Variants in SETD2 observed in about 807,000 individuals in gnomAD.
The protein encoded by SETD2 is histone-lysine N-methyltransferase SETD2.
A neutral mutation model predicts 242.1 loss-of-function variants in SETD2; 31 were observed. The ratio of observed to expected loss-of-function variants is 0.13; its 90% CI spans 0.10 to 0.17. SETD2 has a LOEUF of 0.17. Ranked by LOEUF, SETD2 falls within the 10% of genes least tolerant of loss-of-function variation. SETD2 has a pLI of 1.00. For missense variants in SETD2, 2,481 were observed against 3,046.3 expected (o/e 0.81, Z 4.37); for synonymous variants, 1,006 against 1,066.5 (o/e 0.94, Z 1.11).
intron 1 of SETD2, among the ~76,000 whole-genome samples, chr3:47,129,656 C>A (rs1291720748): frequency 6.6e-6 from 1 of 152,124 alleles, no homozygotes; most frequent in African/African-American, 2.4e-5. Context: ...GAGGTCAAGG[C>A]GGGTGGATCA....
Position 47,093,443 on chromosome 3 carries a change from T to C in SETD2, c.5142+4512A>G, listed in dbSNP as rs563057519. Among the ~76,000 whole-genome samples, 9 of 151,870 alleles carry C rather than the reference T, an allele frequency of 5.9e-5. No individual in the cohort carries two copies. The South Asian group carries it at 1.9e-3, about 32-fold the overall frequency. On this transcript the variant is annotated intron_variant, in intron 9 of 20. Transcript: ENST00000409792. Reference sequence around the variant, plus strand: ...AGATTACAGGCACCCACCATTACACTTGGCTAATTTTTGTATTTTTAGTAG... The same window carrying C: ...AGATTACAGGCACCCACCATTACACCTGGCTAATTTTTGTATTTTTAGTAG...
chr3:47,137,219 G>T, intron 1 of SETD2, among the ~76,000 whole-genome samples: 1 of 151,340 alleles, frequency 6.6e-6, no homozygotes, highest in African/African-American at 2.4e-5. Context: ...TTTGAGATGG[G>T]GTCTTACTCT....
At position 47,121,144 on chromosome 3, in the gene SETD2, CTGAGGA is replaced by C. The variant is rs771730468; in HGVS notation, c.3486_3491del (p.His1162_Pro1163del). The C allele has an allele frequency of 2.0e-5, 32 of 1,614,180 alleles. 1 individual carries two copies. In the South Asian group the frequency reaches 3.2e-4, roughly 16 times the overall value. The stretch of plus-strand genomic sequence containing the variant: ...GACTTGTACTATCAACCCCATCACT[CTGAGGA>C]TGAGAAAGTTCAGGCAGGCGATTAT... On this transcript the variant is annotated inframe_deletion, in exon 3 of 21. Transcript: ENST00000409792.
intron 15 of SETD2, among the ~76,000 whole-genome samples, chr3:47,053,815 T>C (rs7625067): frequency 0.49 from 73,903 of 151,948 alleles, 19,459 homozygotes; most frequent in Non-Finnish European, 0.58. Context: ...TCACAGCCCA[T>C]TAATGTCAAT....
intron 5 of SETD2, 101 bp from the exon 6 acceptor site, chr3:47,106,221 G>A (rs1575783711): frequency 1.0e-6 from 1 of 995,268 alleles, no homozygotes; most frequent in Admixed American, 2.7e-5. Context: ...ATACTGCAAT[G>A]TGGATAAATT....
At position 47,122,740 on chromosome 3, in the gene SETD2, T is replaced by G. The variant is rs2043152074; in HGVS notation, c.1896A>C (p.Glu632Asp). The G allele has an allele frequency of 6.2e-7, 1 of 1,610,994 alleles. No homozygotes were observed. The highest frequency in any genetic ancestry group is 2.2e-5 in the East Asian group (1 of 44,856). ...TAAATTCGGACTTAAAAATAGGCAA[T>G]TCATCTAGCTTTTTTAAAGTAGGTG... ...NDSPTLKKLD[E>D]LPIFKSEFIT... The change falls in exon 3 of 21, where the codon GAA becomes GAC. Residue 632 changes from glutamate to aspartate, a missense_variant. This residue lies in a region of SETD2 where 1,300 missense variants were observed against 1,259.2 expected (regional missense o/e 1.03). Coordinates refer to ENST00000409792, the MANE Select transcript of SETD2 (RefSeq NM_014159.7).
At chr3:47,116,360 A>G (rs1446536279) in intron 4 of SETD2, among the ~76,000 whole-genome samples, 1 of 152,222 alleles carries the variant, frequency 6.6e-6, no homozygotes, top group African/African-American at 2.4e-5. Flanking sequence ...ATAAAAAAGT[A>G]CTGAATAGAA....
At chr3:47,074,234 A>C (rs1277373566) in intron 12 of SETD2, among the ~76,000 whole-genome samples, 1 of 152,226 alleles carries the variant, frequency 6.6e-6, no homozygotes, top group Non-Finnish European at 1.5e-5. Context: ...TTAAAAAATA[A>C]AATATATGCA....
chr3:47,154,004 T>C (rs2044064462), intron 1 of SETD2, among the ~76,000 whole-genome samples: 1 of 152,200 alleles, frequency 6.6e-6, no homozygotes, highest in Non-Finnish European at 1.5e-5. Context: ...TAGCACAATA[T>C]GCCCTAAGGC....
intron 9 of SETD2, among the ~76,000 whole-genome samples, chr3:47,093,696 G>C (rs752295343): frequency 1.3e-5 from 2 of 152,040 alleles, no homozygotes; most frequent in African/African-American, 2.4e-5. Flanking sequence ...ATACACCCAG[G>C]AACTGCTGGC....
chr3:47,036,420 T>G (rs1214403043), intron 18 of SETD2, among the ~76,000 whole-genome samples: 1 of 151,814 alleles, frequency 6.6e-6, no homozygotes, highest in Non-Finnish European at 1.5e-5. Flanking sequence ...CCAGGCATGG[T>G]GGCGCACACC....
At chr3:47,154,638 C>T (rs2106835327) in intron 1 of SETD2, among the ~76,000 whole-genome samples, 1 of 152,192 alleles carries the variant, frequency 6.6e-6, no homozygotes, top group Admixed American at 6.5e-5. Flanking sequence ...ACTTTTTCTT[C>T]TATAAACATT....
At position 47,084,172 on chromosome 3, in the gene SETD2, T is replaced by C. The variant is rs772309871; in HGVS notation, c.5608A>G (p.Thr1870Ala). ...AACATTAGTTTCTTGGGAGTGTCTG[T>C]GTCAGCTTCTGTGCTCAGCTTGGTG... ...PSTKLSTEAD[T>A]DTPKKLMFRR... The change falls in exon 12 of 21, where the codon ACA becomes GCA. Residue 1870 changes from threonine (T) to alanine (A), a missense_variant. By Grantham distance (58) the Thr-to-Ala change is moderately conservative. Around this residue, in one of 17 missense-constraint regions of SETD2, gnomAD observed 203 missense variants for 222.4 expected, o/e 0.91. Coordinates refer to ENST00000409792, the MANE Select transcript of SETD2 (RefSeq NM_014159.7). The C allele has an allele frequency of 1.2e-6, 2 of 1,614,188 alleles. No homozygotes were observed. The highest frequency in any genetic ancestry group is 1.1e-5 in the South Asian group (1 of 91,090).
At chr3:47,072,301 C>A (rs191983260) in intron 12 of SETD2, among the ~76,000 whole-genome samples, 150 of 152,048 alleles carry the variant, frequency 9.9e-4, no homozygotes, top group African/African-American at 3.4e-3. Context: ...GAGTGAGACT[C>A]TGTCTCAAAA....
intron 12 of SETD2, among the ~76,000 whole-genome samples, chr3:47,074,724 CCT>C (rs112059729): frequency 0.068 from 10,342 of 152,128 alleles, 1,161 homozygotes; most frequent in African/African-American, 0.23. Context: ...TATACACGCC[CCT>C]GTTAGAGAAA....
At chr3:47,102,482 G>C (rs2042250852) in intron 7 of SETD2, among the ~76,000 whole-genome samples, 1 of 152,178 alleles carries the variant, frequency 6.6e-6, no homozygotes, top group South Asian at 2.1e-4. Context: ...CGGGTTCATA[G>C]CTTTAACCTT....
In SETD2 at chr3:47,163,942, G is replaced by C. The variant is rs370730830; in HGVS notation, c.-18C>G. 2 of 1,283,182 alleles carry C rather than the reference G, an allele frequency of 1.6e-6. No homozygotes were observed. The highest frequency in any genetic ancestry group is 2.0e-6 in the Non-Finnish European group (2 of 1,009,330). The allele number at this position is 1,283,182 out of a possible 1,614,324, so 79.5% of individuals were successfully genotyped here. On this transcript the variant is annotated 5_prime_UTR_variant, in exon 1 of 21. Coordinates refer to ENST00000409792, the MANE Select transcript of SETD2 (RefSeq NM_014159.7). ...TGCTTCATCGGGAGCGGCTGGAGAC[G>C]GCGACGCGAGCCCCCTCCCCGCAGC...
At position 47,124,377 on chromosome 3, in the gene SETD2, T is replaced by C; in HGVS notation, c.259A>G (p.Arg87Gly). ...FSLTKKTLQN[R>G]FLTALGNEKQ... ...TCATTGCCAAGTGCAGTGAGAAACC[T>C]ATTCTGCAAAGTTTTCTTTGTAAGG... The change falls in exon 3 of 21, where the codon AGG becomes GGG. Residue 87 changes from arginine (R) to glycine (G), a missense_variant. Physicochemically the swap from Arg to Gly is moderately radical, Grantham distance 125. Transcript: ENST00000409792. 3.9e-6 allele frequency: 6 copies of C among 1,551,962 alleles called. No homozygotes were observed. The highest frequency in any genetic ancestry group is 4.4e-6 in the Non-Finnish European group (5 of 1,147,050).
rs2043017075 is a variant in SETD2 at position 47,120,237 on chromosome 3, C to T, written c.4399G>A (p.Gly1467Arg). The change falls in exon 3 of 21, where the codon GGG becomes AGG. Residue 1467 changes from glycine to arginine, a missense_variant. Gly to Arg is a moderately radical substitution (Grantham distance 125, BLOSUM62 -2). This residue lies in a region of SETD2 where 48 missense variants were observed against 76.6 expected (regional missense o/e 0.63). Coordinates refer to ENST00000409792, the MANE Select transcript of SETD2 (RefSeq NM_014159.7). ...PQRWKECAKQGKMPCYFDLIE... is the reference protein window; with the variant it reads ...PQRWKECAKQRKMPCYFDLIE... ...AGATCAAAGTAACATGGCATTTTCC[C>T]TTGCTTGGCACATTCCTTCCATCGC... 1 of 1,587,512 alleles carries T rather than the reference C, an allele frequency of 6.3e-7. No homozygotes were observed. The highest frequency in any genetic ancestry group is 1.4e-5 in the African/African-American group (1 of 73,450).
Sources: allele counts gnomAD v4.1 joint callset (sites outside exome capture counted in the v4.1 genomes callset), GRCh38; gene constraint gnomAD v4.1.1; regional missense constraint gnomAD v4.1.1; transcripts MANE v1.5; gene names NCBI Gene and HGNC (gene_info 2026-07-23, HGNC 2026-07-21).